Variants in ADAM22 observed in about 807,000 individuals in gnomAD.
ADAM22 encodes the protein disintegrin and metalloproteinase domain-containing protein 22.
In ADAM22, 65 loss-of-function variants were observed where a neutral mutation model predicts 144.6. That is an observed-to-expected ratio of 0.45 (90% CI 0.37 to 0.55). The LOEUF is 0.55. Among genes scored for constraint, ADAM22 ranks in the 20% least tolerant of loss-of-function variants. The pLI is 0.00. For synonymous variants in ADAM22, 391 were observed against 412.6 expected (o/e 0.95, Z 0.63); for missense variants, 974 against 1,184.9 (o/e 0.82, Z 2.61).
chr7:88,108,162 A>T lies in ADAM22; in HGVS notation c.391-14A>T. On this transcript the variant is annotated splice_polypyrimidine_tract_variant and intron_variant, in intron 4 of 31. Coordinates refer to ENST00000413139, the MANE Select transcript of ADAM22 (RefSeq NM_001324418.2). ...TGTGATGCAAAGACTTACATTCTTTATTTCTGTTTTCAGGGAGGAGAGCAC... is the reference window on the plus strand; with the variant it reads ...TGTGATGCAAAGACTTACATTCTTTTTTTCTGTTTTCAGGGAGGAGAGCAC... 1 of 1,607,148 alleles carries T rather than the reference A, an allele frequency of 6.2e-7. No individual in the cohort carries two copies. The highest frequency in any genetic ancestry group is 1.7e-4 in the Middle Eastern group (1 of 6,030).
At chr7:87,949,240 T>G (rs1844441724) in intron 2 of ADAM22, among the ~76,000 whole-genome samples, 1 of 152,116 alleles carries the variant, frequency 6.6e-6, no homozygotes, top group Non-Finnish European at 1.5e-5. Context: ...CCCTCTTGCT[T>G]CAAATCTGAG....
At chr7:88,172,899 A>G (rs1586477509) in intron 26 of ADAM22, among the ~76,000 whole-genome samples, 1 of 152,004 alleles carries the variant, frequency 6.6e-6, no homozygotes, top group East Asian at 1.9e-4. Flanking sequence ...CGTATTAGAA[A>G]TCTAAGTTTG....
intron 3 of ADAM22, among the ~76,000 whole-genome samples, chr7:88,050,761 C>T (rs1287963132): frequency 1.3e-5 from 2 of 152,016 alleles, no homozygotes; most frequent in Admixed American, 6.6e-5. Flanking sequence ...GGATATTAGC[C>T]CTTTATCAGA....
intron 3 of ADAM22, among the ~76,000 whole-genome samples, chr7:88,012,967 C>G (rs1795770954): frequency 6.6e-6 from 1 of 152,180 alleles, no homozygotes; most frequent in Admixed American, 6.5e-5. Flanking sequence ...TTTCCTCTTT[C>G]CCTCTAGAGC....
intron 13 of ADAM22, among the ~76,000 whole-genome samples, 200 bp from the exon 14 acceptor site, chr7:88,135,780 T>G (rs1190680270): frequency 1.3e-5 from 2 of 152,196 alleles, no homozygotes; most frequent in Non-Finnish European, 2.9e-5. Context: ...GGGCAAAAAT[T>G]ATATAATCTT....
intron 3 of ADAM22, among the ~76,000 whole-genome samples, chr7:88,004,170 T>G (rs982553537): frequency 2.0e-5 from 3 of 152,206 alleles, no homozygotes; most frequent in Non-Finnish European, 4.4e-5. Flanking sequence ...AGTGGAGACC[T>G]GTAACCATTT....
At chr7:88,186,435 C>T in intron 29 of ADAM22, 180 bp from the exon 30 acceptor site, 3 of 617,552 alleles carry the variant, frequency 4.9e-6, no homozygotes, top group Non-Finnish European at 5.8e-6. Flanking sequence ...CTTGTTGTAG[C>T]TGAGATTATT....
rs1832779011 is a variant in ADAM22 at position 88,135,368 on chromosome 7, T to C, written c.1169-612T>C. On this transcript the variant is annotated intron_variant, in intron 13 of 31. Transcript: ENST00000413139. The stretch of plus-strand genomic sequence containing the variant: ...ATTGAGTGCCAGTATTACTTCCATT[T>C]AGATACTCATTTAATTCTCCAGGTA... Among the ~76,000 whole-genome samples, 2 of 151,810 alleles carry C rather than the reference T, an allele frequency of 1.3e-5. 1 individual carries two copies. The highest frequency in any genetic ancestry group is 4.2e-4 in the South Asian group (2 of 4,814).
intron 5 of ADAM22, among the ~76,000 whole-genome samples, chr7:88,111,379 T>C (rs201698152): frequency 6.7e-6 from 1 of 149,224 alleles, no homozygotes; most frequent in Non-Finnish European, 1.5e-5. Context: ...GTTTTTTTTT[T>C]CATTTTTGAT....
intron 1 of ADAM22, 66 bp from the exon 2 acceptor site, chr7:87,934,960 T>C (rs775925332): frequency 7.5e-6 from 12 of 1,601,128 alleles, no homozygotes; most frequent in Non-Finnish European, 9.4e-6. Flanking sequence ...GATGGAGGAG[T>C]GAGGGTCAGG....
At chr7:87,955,743 A>C (rs1429570803) in intron 2 of ADAM22, among the ~76,000 whole-genome samples, 6 of 152,188 alleles carry the variant, frequency 3.9e-5, no homozygotes, top group Non-Finnish European at 5.9e-5. Context: ...TAGCCTACAG[A>C]GGCAGGCAGG....
At chr7:88,131,602 T>G (rs1265088719) in intron 11 of ADAM22, 167 bp downstream of exon 11, 2 of 599,386 alleles carry the variant, frequency 3.3e-6, no homozygotes, top group African/African-American at 3.7e-5. Context: ...AAAATTGCCA[T>G]GAAAATGTAA....
intron 3 of ADAM22, among the ~76,000 whole-genome samples, chr7:88,073,274 G>GC (rs1391207650): frequency 6.6e-6 from 1 of 152,108 alleles, no homozygotes; most frequent in Admixed American, 6.5e-5. Context: ...TAAATACAAG[G>GC]CTTTTTTTCT....
At chr7:88,104,207 G>A (rs1286202988) in intron 4 of ADAM22, among the ~76,000 whole-genome samples, 1 of 152,160 alleles carries the variant, frequency 6.6e-6, no homozygotes, top group Admixed American at 6.6e-5. Context: ...TATTGATGTA[G>A]AAGGATGCCA....
rs1030869359 is a variant in ADAM22, at chr7:88,200,053, TCC to T, written c.*3564_*3565del. On this transcript the variant is annotated 3_prime_UTR_variant, in exon 32 of 32. Coordinates refer to ENST00000413139, the MANE Select transcript of ADAM22 (RefSeq NM_001324418.2). ...CTACATAATTTAATCCTGTCTATTG[TCC>T]CAGATCTCTTGTGGCTACTTTACCT... The T allele has an allele frequency of 6.6e-6, 1 of 152,222 alleles. No individual in the cohort carries two copies. The highest frequency in any genetic ancestry group is 1.5e-5 in the Non-Finnish European group (1 of 68,030). The allele number at this position is 152,222 out of a possible 1,614,324, so 9.4% of individuals were successfully genotyped here. A position where few individuals can be genotyped will look rare whatever the true frequency, so the allele number is the denominator to read the frequency against.
At chr7:88,192,088 C>T (rs560520970) in intron 30 of ADAM22, among the ~76,000 whole-genome samples, 1 of 152,224 alleles carries the variant, frequency 6.6e-6, no homozygotes, top group South Asian at 2.1e-4. Flanking sequence ...TAGTGCTACC[C>T]CCGCCCCTCC....
rs149096606 is a variant in ADAM22 at position 88,177,740 on chromosome 7, T to C, written c.2301-1195T>C. Among the ~76,000 whole-genome samples the C allele has an allele frequency of 8.5e-5, 13 of 152,266 alleles. No homozygotes were observed. The East Asian group carries it at 2.5e-3, about 29-fold the overall frequency. On this transcript the variant is annotated intron_variant, in intron 26 of 31. Coordinates refer to ENST00000413139, the MANE Select transcript of ADAM22 (RefSeq NM_001324418.2). The stretch of plus-strand genomic sequence containing the variant: ...AGTATTTTAAACATTTACAACAATA[T>C]GGCAAAAATTTAAGCAAGCAAACAC...
intron 22 of ADAM22, among the ~76,000 whole-genome samples, chr7:88,160,839 A>C (rs1165684970): frequency 2.0e-5 from 3 of 152,128 alleles, no homozygotes; most frequent in African/African-American, 7.2e-5. Flanking sequence ...GCTGGAAACC[A>C]TCATTCTCAG....
At chr7:88,114,488 AGCAAATGGGCCCTCTGGCTGCT>A in intron 5 of ADAM22, 74 bp from the exon 6 acceptor site, 2 of 1,131,996 alleles carry the variant, frequency 1.8e-6, no homozygotes, top group Non-Finnish European at 2.7e-6. Flanking sequence ...GGCATTGAGA[AGCAAATGGGCCCTCTGGCTGCT>A]GCTGATTTTA....
Sources: gnomAD v4.1 joint callset for allele counts (sites outside exome capture counted in the v4.1 genomes callset) on GRCh38, gnomAD v4.1.1 for gene constraint, MANE v1.5 for transcripts, NCBI Gene and HGNC (gene_info 2026-07-23, HGNC 2026-07-21) for gene names.